Variants in ASAP1 observed in about 807,000 individuals in gnomAD.
ASAP1 encodes the protein ArfGAP with SH3 domain, ankyrin repeat and PH domain 1, also known as arf-GAP with SH3 domain, ANK repeat and PH domain-containing protein 1.
ASAP1 carries 43 observed loss-of-function variants against 145.2 expected under a neutral mutation model. The observed-to-expected ratio is 0.30, with a 90% CI of 0.23 to 0.38. The LOEUF (loss-of-function observed/expected upper bound fraction) is 0.38, where lower values mean the gene tolerates loss of function less well. Ranked by LOEUF, ASAP1 falls within the 10% of genes least tolerant of loss-of-function variation. The probability of loss-of-function intolerance (pLI) is 1.00; values close to 1 mark genes in which losing one functional copy is unlikely to be tolerated. For missense variants in ASAP1, 1,018 were observed against 1,355.3 expected, an observed-to-expected ratio of 0.75 and a Z score of 3.91; for synonymous variants, 546 against 515.5, an observed-to-expected ratio of 1.06 and a Z score of -0.80.
At chr8:130,401,417 T>C (rs2138571310) in intron 2 of ASAP1, among the ~76,000 whole-genome samples, 1 of 152,102 alleles carries the variant, frequency 6.6e-6, no homozygotes, top group East Asian at 1.9e-4. Flanking sequence ...AGCTAATTTT[T>C]GTATTTTAGT....
chr8:130,281,147 T>G (rs1008678715), intron 3 of ASAP1, among the ~76,000 whole-genome samples: 2 of 152,108 alleles, frequency 1.3e-5, no homozygotes, highest in African/African-American at 4.8e-5. Flanking sequence ...ACAAGGTTAT[T>G]TCATCTAGAT....
rs1466823480 is a variant in ASAP1 at position 130,115,664 on chromosome 8, C to A, written c.2136G>T (p.Glu712Asp). The A allele has an allele frequency of 1.2e-6, 2 of 1,614,174 alleles. No individual in the cohort carries two copies. The highest frequency in any genetic ancestry group is 1.7e-6 in the Non-Finnish European group (2 of 1,179,986). The change falls in exon 23 of 30, where the codon GAG (glutamate) becomes GAT (aspartate). Residue 712 changes from glutamate to aspartate, a missense_variant. This residue lies in a region of ASAP1 where 353 missense variants were observed against 375.4 expected (regional missense o/e 0.94). Coordinates refer to ENST00000518721, the MANE Select transcript of ASAP1 (RefSeq NM_018482.4). ...GATCATCATCGCTCTCATCTATCTC[C>A]TCCTGTCGAAGATTCCACTCATATT... ...HVEYEWNLRQ[E>D]EIDESDDDLD...
rs796416744 is a variant in ASAP1 at position 130,262,457 on chromosome 8, A to AGAGT, written c.187-25464_187-25463insACTC. 7.6e-4 allele frequency among the ~76,000 whole-genome samples: 97 copies of AGAGT among 127,772 alleles called. 1 individual carries two copies. The highest frequency in any genetic ancestry group is 1.4e-3 in the Admixed American group (17 of 11,914). The allele number at this position is 127,772 out of a possible 152,430, so 83.8% of individuals were successfully genotyped here. ...GAGAGAGAGAGAGAGAGAGAGAGAG[A>AGAGT]ACCTGTGGAATTTCAGATAGGTTAG... On this transcript the variant is annotated intron_variant, in intron 3 of 29. Coordinates refer to ENST00000518721, the MANE Select transcript of ASAP1 (RefSeq NM_018482.4).
chr8:130,140,419 G>T (rs4733770), intron 13 of ASAP1, among the ~76,000 whole-genome samples: 2 of 151,288 alleles, frequency 1.3e-5, no homozygotes, highest in East Asian at 3.9e-4. Context: ...TTATTATGTA[G>T]GTAAACATGT....
At chr8:130,243,454 T>A (rs1005880739) in intron 3 of ASAP1, among the ~76,000 whole-genome samples, 1 of 152,164 alleles carries the variant, frequency 6.6e-6, no homozygotes, top group Non-Finnish European at 1.5e-5. Flanking sequence ...ACTCTCTCTC[T>A]CTTTGGAGGA....
intron 13 of ASAP1, among the ~76,000 whole-genome samples, chr8:130,146,942 A>G (rs987834053): frequency 3.9e-5 from 6 of 152,104 alleles, no homozygotes; most frequent in African/African-American, 1.2e-4. Context: ...AAGAATTCCA[A>G]CGGCCAGGTG....
intron 1 of ASAP1, among the ~76,000 whole-genome samples, chr8:130,409,958 G>T (rs1453013960): frequency 6.6e-6 from 1 of 152,234 alleles, no homozygotes. Flanking sequence ...GTGGGGCAGG[G>T]ACAGGTATAG....
intron 2 of ASAP1, among the ~76,000 whole-genome samples, chr8:130,380,259 C>G (rs1317194703): frequency 6.6e-6 from 1 of 152,172 alleles, no homozygotes; most frequent in African/African-American, 2.4e-5. Context: ...AGGTGACCTT[C>G]GGGAGATGCT....
intron 4 of ASAP1, among the ~76,000 whole-genome samples, chr8:130,216,990 G>A (rs1443201172): frequency 6.6e-6 from 1 of 152,200 alleles, no homozygotes; most frequent in Admixed American, 6.5e-5. Context: ...TGTGACTCTT[G>A]TGGCAGACAT....
intron 18 of ASAP1, among the ~76,000 whole-genome samples, chr8:130,120,326 G>C (rs2135674446): frequency 6.6e-6 from 1 of 152,352 alleles, no homozygotes; most frequent in Non-Finnish European, 1.5e-5. Context: ...TGGAGCAGCA[G>C]ACTTAAAAAT....
intron 1 of ASAP1, among the ~76,000 whole-genome samples, chr8:130,403,379 G>A: frequency 6.6e-6 from 1 of 151,468 alleles, no homozygotes; most frequent in East Asian, 1.9e-4. Flanking sequence ...ACACAAATTT[G>A]ATTGTGTCAT....
chr8:130,363,250 G>A (rs1826799023), intron 2 of ASAP1, among the ~76,000 whole-genome samples: 2 of 152,158 alleles, frequency 1.3e-5, no homozygotes, highest in Admixed American at 6.5e-5. Context: ...TTCTTGCCGG[G>A]TGCAGTGACA....
At chr8:130,221,101 G>A (rs1193634102) in intron 4 of ASAP1, among the ~76,000 whole-genome samples, 1 of 152,154 alleles carries the variant, frequency 6.6e-6, no homozygotes, top group Non-Finnish European at 1.5e-5. Context: ...AGGCACTGTG[G>A]TATGAGCCTG....
rs1399410950 is a variant in ASAP1, at chr8:130,310,248, T to C, written c.186+47769A>G. Among the ~76,000 whole-genome samples, 6 of 152,088 alleles carry C rather than the reference T, an allele frequency of 3.9e-5. No homozygotes were observed. The East Asian group carries it at 1.2e-3, about 29-fold the overall frequency. ...TCTCTACAAATAATAGAAATAACCA[T>C]TGTTATGGGCTCAGACAACAGAATT... On this transcript the variant is annotated intron_variant, in intron 3 of 29. Coordinates refer to ENST00000518721, the MANE Select transcript of ASAP1 (RefSeq NM_018482.4).
intron 2 of ASAP1, among the ~76,000 whole-genome samples, chr8:130,384,329 T>C (rs962541122): frequency 5.9e-5 from 9 of 152,176 alleles, no homozygotes; most frequent in African/African-American, 2.2e-4. Context: ...AAAGCTGTCA[T>C]TGCTATGTAA....
At chr8:130,242,897 C>A (rs1023378222) in intron 3 of ASAP1, among the ~76,000 whole-genome samples, 1 of 152,140 alleles carries the variant, frequency 6.6e-6, no homozygotes, top group Non-Finnish European at 1.5e-5. Flanking sequence ...GTGGGTTCCA[C>A]AGGCCAACTG....
chr8:130,148,161 A>C (rs892511639), intron 13 of ASAP1, among the ~76,000 whole-genome samples: 1 of 152,220 alleles, frequency 6.6e-6, no homozygotes, highest in Non-Finnish European at 1.5e-5. Context: ...AAGCAGTTCC[A>C]CTGCAAAGAA....
intron 5 of ASAP1, among the ~76,000 whole-genome samples, chr8:130,210,395 C>T (rs1390439497): frequency 1.3e-5 from 2 of 152,086 alleles, no homozygotes; most frequent in African/African-American, 4.8e-5. Context: ...ATTTCTAAGA[C>T]AGTAAATATG....
At chr8:130,070,239 G>T (rs1451560586) in intron 27 of ASAP1, among the ~76,000 whole-genome samples, 1 of 152,088 alleles carries the variant, frequency 6.6e-6, no homozygotes, top group Admixed American at 6.5e-5. Context: ...GGGTTTCACC[G>T]TGTTAGCCAG....
Sources: allele counts gnomAD v4.1 joint callset (sites outside exome capture counted in the v4.1 genomes callset), GRCh38; gene constraint gnomAD v4.1.1; regional missense constraint gnomAD v4.1.1; transcripts MANE v1.5; gene names NCBI Gene and HGNC (gene_info 2026-07-23, HGNC 2026-07-21).